Variants in SLC7A2 observed in about 807,000 individuals in gnomAD.
SLC7A2 encodes the protein cationic amino acid transporter 2.
SLC7A2 carries 48 observed loss-of-function variants against 58.9 expected under a neutral mutation model. The observed-to-expected ratio is 0.82, with a 90% CI of 0.65 to 1.04. The LOEUF (loss-of-function observed/expected upper bound fraction) is 1.04. Ranked by LOEUF, SLC7A2 falls within the 50% of genes least tolerant of loss-of-function variation. SLC7A2 has a pLI of 0.00. For missense variants in SLC7A2, 1,029 were observed against 818.8 expected (o/e 1.26, Z -3.13); for synonymous variants, 363 against 314.5 (o/e 1.15, Z -1.63).
Position 17,511,218 on chromosome 8 carries a change from G to C in SLC7A2, c.-23+8916G>C, listed in dbSNP as rs1800591194. The C allele has an allele frequency of 3.3e-5, 5 of 152,042 alleles. No individual in the cohort carries two copies. The South Asian group carries it at 1.0e-3, about 32-fold the overall frequency. The allele number at this position is 152,042 out of a possible 1,614,324, so 9.4% of individuals were successfully genotyped here. ...ACCATGGCACACGTATACCTACGTA[G>C]CAAAGCTGCACATTCTGCACTTATA... On this transcript the variant is annotated intron_variant, in intron 2 of 12. Transcript: ENST00000494857.
chr8:17,510,871 C>A (rs1800575644), intron 2 of SLC7A2: 1 of 152,144 alleles, frequency 6.6e-6, no homozygotes, highest in Non-Finnish European at 1.5e-5. Context: ...CAGTGAGAGA[C>A]TGTATAAAGA....
In SLC7A2 at chr8:17,561,933, T is replaced by C; in HGVS notation, c.1505-11T>C. The C allele has an allele frequency of 6.2e-7, 1 of 1,613,498 alleles. No individual in the cohort carries two copies. Among genetic ancestry groups the C allele is most frequent in the East Asian group, 2.2e-5 (1 of 44,862 alleles). On this transcript the variant is annotated splice_polypyrimidine_tract_variant and intron_variant, in intron 10 of 12. Transcript: ENST00000494857. ...GTGTGCTGACTCTGTTATCTACACA[T>C]CCCCCTGCAGCTTTCCTCGTGTTGG...
At chr8:17,527,801 G>A (rs1000456205) in intron 2 of SLC7A2, among the ~76,000 whole-genome samples, 1 of 152,278 alleles carries the variant, frequency 6.6e-6, no homozygotes, top group East Asian at 1.9e-4. Context: ...CAAAGACCCT[G>A]TTTCCCAGTA....
At chr8:17,516,735 C>G (rs1800818741) in intron 2 of SLC7A2, among the ~76,000 whole-genome samples, 1 of 152,190 alleles carries the variant, frequency 6.6e-6, no homozygotes, top group Admixed American at 6.5e-5. Context: ...CTCACCCCAT[C>G]CAGTTGACTC....
In SLC7A2 at chr8:17,536,659, C is replaced by T. The variant is rs1416331916; in HGVS notation, c.-22-6659C>T. On this transcript the variant is annotated intron_variant, in intron 2 of 12. Transcript: ENST00000494857. ...TAATGCAGGCTAAACACTTTAAGTA[C>T]GGTATTGGAAAGTGAACAAATTAGA... 5.3e-5 allele frequency among the ~76,000 whole-genome samples: 8 copies of T among 152,172 alleles called. 1 individual carries two copies. Among genetic ancestry groups the T allele is most frequent in the Admixed American group, 3.9e-4 (6 of 15,278 alleles).
Position 17,543,511 on chromosome 8 carries a change from G to C in SLC7A2, c.172G>C (p.Glu58Gln). Residue 58 changes from glutamate (E) to glutamine (Q), a missense_variant, in exon 3 of 13, where the codon GAG (glutamate) becomes CAG (glutamine). Glu to Gln is a conservative substitution (Grantham distance 29). Coordinates refer to ENST00000494857, the MANE Select transcript of SLC7A2 (RefSeq NM_001370338.1). ...GGCCGGGGTTTATGTCCTCGCTGGG[G>C]AGGTGGCCAAGGCAGACTCGGGCCC... is the stretch of plus-strand genomic sequence containing the variant. The part of the protein sequence containing the change: ...LGAGVYVLAG[E>Q]VAKADSGPSI... 6.2e-7 allele frequency: 1 copy of C among 1,613,946 alleles called. No individual in the cohort carries two copies. Among genetic ancestry groups the C allele is most frequent in the South Asian group, 1.1e-5 (1 of 91,054 alleles).
rs1803231290 is a variant in SLC7A2 at position 17,565,561 on chromosome 8, T to C, written c.*415T>C. ...ACTGAATGTAAAGAGGTTTCATCTA[T>C]GCCCCCTGCAGTTGGGGAAATACTA... On this transcript the variant is annotated 3_prime_UTR_variant, in exon 13 of 13. Coordinates refer to ENST00000494857, the MANE Select transcript of SLC7A2 (RefSeq NM_001370338.1). 6.4e-6 allele frequency: 1 copy of C among 157,314 alleles called. No homozygotes were observed. Among genetic ancestry groups the C allele is most frequent in the African/African-American group, 2.4e-5 (1 of 41,574 alleles). The allele number at this position is 157,314 out of a possible 1,614,324, so 9.7% of individuals were successfully genotyped here. A position where few individuals can be genotyped will look rare whatever the true frequency, so the allele number is the denominator to read the frequency against.
intron 1 of SLC7A2, among the ~76,000 whole-genome samples, chr8:17,501,933 G>T (rs914578665): frequency 4.6e-5 from 7 of 150,998 alleles, no homozygotes; most frequent in African/African-American, 1.7e-4. Flanking sequence ...GGAATATTTG[G>T]TGAACAATAC....
chr8:17,561,630 G>A (rs10104505), intron 10 of SLC7A2, among the ~76,000 whole-genome samples: 7,827 of 152,216 alleles, frequency 0.051, 372 homozygotes, highest in African/African-American at 0.12. Flanking sequence ...AACCCCGACA[G>A]CATTCTAGTC....
In SLC7A2 at chr8:17,570,311, G is replaced by T. The variant is rs538494630; in HGVS notation, c.*5165G>T. Reference sequence around the variant, plus strand: ...GTTATTGCAGTACTTAATAAAAATTGTTGATAGGGCCCAAAACCCTACAGA... The same window carrying T: ...GTTATTGCAGTACTTAATAAAAATTTTTGATAGGGCCCAAAACCCTACAGA... On this transcript the variant is annotated 3_prime_UTR_variant, in exon 13 of 13. Coordinates refer to ENST00000494857, the MANE Select transcript of SLC7A2 (RefSeq NM_001370338.1). 5.2e-5 allele frequency: 8 copies of T among 152,630 alleles called. No homozygotes were observed. The South Asian group carries it at 1.7e-3, about 32-fold the overall frequency. The allele number at this position is 152,630 out of a possible 1,614,324, so 9.5% of individuals were successfully genotyped here.
chr8:17,521,808 A>G (rs1429115741), intron 2 of SLC7A2, among the ~76,000 whole-genome samples: 1 of 152,220 alleles, frequency 6.6e-6, no homozygotes, highest in Non-Finnish European at 1.5e-5. Flanking sequence ...CTGCAAAAGG[A>G]AGAAATCAAA....
chr8:17,542,430 T>C (rs907981605), intron 2 of SLC7A2, among the ~76,000 whole-genome samples: 23 of 152,244 alleles, frequency 1.5e-4, no homozygotes, highest in African/African-American at 5.5e-4. Context: ...GAGGTAGGAC[T>C]GCGTGAGCCC....
At chr8:17,525,279 C>T (rs1487121771) in intron 2 of SLC7A2, among the ~76,000 whole-genome samples, 4 of 151,976 alleles carry the variant, frequency 2.6e-5, no homozygotes, top group Non-Finnish European at 5.9e-5. Context: ...AGGGGATAAC[C>T]GTGATCAGAT....
Position 17,567,627 on chromosome 8 carries a change from G to T in SLC7A2, c.*2481G>T, listed in dbSNP as rs1367605136. 1 of 152,514 alleles carries T rather than the reference G, an allele frequency of 6.6e-6. No homozygotes were observed. Among genetic ancestry groups the T allele is most frequent in the Non-Finnish European group, 1.5e-5 (1 of 68,024 alleles). The allele number at this position is 152,514 out of a possible 1,614,324, so 9.4% of individuals were successfully genotyped here. A position where few individuals can be genotyped will look rare whatever the true frequency, so the allele number is the denominator to read the frequency against. On this transcript the variant is annotated 3_prime_UTR_variant, in exon 13 of 13. Transcript: ENST00000494857. ...TGTATAAGTAAGTTGGGTTTATGGT[G>T]GGCTTTGACTATGTCATTAGGTGGG...
At chr8:17,540,577 A>G (rs1041118550) in intron 2 of SLC7A2, among the ~76,000 whole-genome samples, 5 of 152,168 alleles carry the variant, frequency 3.3e-5, no homozygotes, top group Admixed American at 2.0e-4. Context: ...GTGCATTTCT[A>G]TAAGCAGTCC....
At chr8:17,527,762 G>A (rs938178165) in intron 2 of SLC7A2, among the ~76,000 whole-genome samples, 2 of 152,108 alleles carry the variant, frequency 1.3e-5, no homozygotes, top group Non-Finnish European at 2.9e-5. Context: ...CAGTGTTACT[G>A]GATTAGTGAC....
chr8:17,543,441 A>G lies in SLC7A2; in HGVS notation c.102A>G (p.Leu34=), dbSNP rs748695107. The G allele has an allele frequency of 6.2e-7, 1 of 1,614,178 alleles. No homozygotes were observed. The highest frequency in any genetic ancestry group is 8.5e-7 in the Non-Finnish European group (1 of 1,180,048). The change falls in exon 3 of 13, where the codon TTA becomes TTG. Residue 34 remains leucine (L), a synonymous_variant. Coordinates refer to ENST00000494857, the MANE Select transcript of SLC7A2 (RefSeq NM_001370338.1). Reference sequence around the variant, plus strand: ...AAGACACCAAATTATGCCGCTGCTTATCCACCATGGACCTCATTGCCCTGG... The same window carrying G: ...AAGACACCAAATTATGCCGCTGCTTGTCCACCATGGACCTCATTGCCCTGG... The part of the protein sequence containing the change: ...SLEDTKLCRC[L]STMDLIALGV...
chr8:17,539,659 T>C (rs1242896238), intron 2 of SLC7A2, among the ~76,000 whole-genome samples: 1 of 152,178 alleles, frequency 6.6e-6, no homozygotes, highest in Admixed American at 6.5e-5. Flanking sequence ...TCCCAAAATC[T>C]GCATCATTGT....
chr8:17,532,397 C>T (rs990929597), intron 2 of SLC7A2, among the ~76,000 whole-genome samples: 1 of 152,080 alleles, frequency 6.6e-6, no homozygotes, highest in Non-Finnish European at 1.5e-5. Context: ...CAGTAGTACC[C>T]TGGACTTCCC....
Sources: allele counts gnomAD v4.1 joint callset (sites outside exome capture counted in the v4.1 genomes callset), GRCh38; gene constraint gnomAD v4.1.1; transcripts MANE v1.5; gene names NCBI Gene and HGNC (gene_info 2026-07-23, HGNC 2026-07-21).